CABCOCO1: variants seen among roughly 807,000 people sequenced by gnomAD.
CABCOCO1 encodes ciliary associated calcium binding coiled-coil 1, also known as ciliary-associated calcium-binding coiled-coil protein 1.
In CABCOCO1, 28 loss-of-function variants were observed where a neutral mutation model predicts 35.7. That is an observed-to-expected ratio of 0.78 (90% CI 0.58 to 1.07). The LOEUF (loss-of-function observed/expected upper bound fraction) is 1.07. Among genes scored for constraint, CABCOCO1 ranks in the 50% least tolerant of loss-of-function variants. CABCOCO1 has a pLI of 0.00. For synonymous variants in CABCOCO1, 95 were observed against 100.1 expected, an observed-to-expected ratio of 0.95 and a Z score of 0.30; for missense variants, 326 against 309.2, an observed-to-expected ratio of 1.05 and a Z score of -0.41.
chr10:61,760,932 G>A lies in CABCOCO1; in HGVS notation c.745G>A (p.Val249Ile), dbSNP rs1841996700. The stretch of plus-strand genomic sequence containing the variant: ...TGACACCTCAGACATGGATCCTTTA[G>A]TTGGTTTTACCATTGAAGATGTAAA... The part of the protein sequence containing the change: ...ETDTSDMDPL[V>I]GFTIEDVKSV... Residue 249 changes from valine to isoleucine, a missense_variant, in exon 7 of 8, where the codon GTT becomes ATT. Val to Ile is a conservative substitution (Grantham distance 29, BLOSUM62 3). Coordinates refer to ENST00000648843, the MANE Select transcript of CABCOCO1 (RefSeq NM_001366906.2). 1 of 1,612,852 alleles carries A rather than the reference G, an allele frequency of 6.2e-7. No homozygotes were observed. Among genetic ancestry groups the A allele is most frequent in the Non-Finnish European group, 8.5e-7 (1 of 1,179,196 alleles).
At chr10:61,708,937 C>T (rs147547497) in intron 5 of CABCOCO1, among the ~76,000 whole-genome samples, 3 of 152,112 alleles carry the variant, frequency 2.0e-5, no homozygotes, top group African/African-American at 4.8e-5. Flanking sequence ...TGATGGACTA[C>T]GCATAAACTT....
chr10:61,725,466 G>A (rs1315743850), intron 5 of CABCOCO1, among the ~76,000 whole-genome samples: 1 of 152,124 alleles, frequency 6.6e-6, no homozygotes, highest in Non-Finnish European at 1.5e-5. Context: ...TCAGGTACAT[G>A]GATGAAGCTA....
intron 5 of CABCOCO1, among the ~76,000 whole-genome samples, chr10:61,706,650 A>G (rs1459428444): frequency 6.6e-6 from 1 of 151,920 alleles, no homozygotes; most frequent in Non-Finnish European, 1.5e-5. Context: ...TTTCTACCCT[A>G]CATTGTGCCT....
At chr10:61,736,689 T>C (rs905965076) in intron 5 of CABCOCO1, among the ~76,000 whole-genome samples, 17 of 152,188 alleles carry the variant, frequency 1.1e-4, no homozygotes, top group Non-Finnish European at 2.9e-5. Flanking sequence ...ATGTCATTGG[T>C]AGTTTGATAG....
intron 5 of CABCOCO1, among the ~76,000 whole-genome samples, chr10:61,756,209 C>T (rs778360283): frequency 9.9e-5 from 15 of 151,874 alleles, no homozygotes; most frequent in Non-Finnish European, 2.1e-4. Flanking sequence ...CTTTAAATAC[C>T]GTAGCACAAG....
At chr10:61,761,059 T>G in intron 7 of CABCOCO1, 56 bp downstream of exon 7, 4 of 1,573,230 alleles carry the variant, frequency 2.5e-6, no homozygotes, top group Non-Finnish European at 3.5e-6. Context: ...TTAGCCAACC[T>G]TAACTTTAAT....
At chr10:61,761,050 T>C in intron 7 of CABCOCO1, 47 bp downstream of exon 7, 1 of 1,587,756 alleles carries the variant, frequency 6.3e-7, no homozygotes, top group Non-Finnish European at 8.6e-7. Flanking sequence ...ACTGGTTAAT[T>C]AGCCAACCTT....
intron 5 of CABCOCO1, among the ~76,000 whole-genome samples, chr10:61,747,944 T>C (rs746873201): frequency 1.9e-4 from 29 of 152,132 alleles, no homozygotes; most frequent in Non-Finnish European, 4.1e-4. Context: ...CCAGAATAAC[T>C]CTCTCATCAG....
chr10:61,680,254 G>A (rs1441796110), intron 2 of CABCOCO1, among the ~76,000 whole-genome samples: 2 of 149,082 alleles, frequency 1.3e-5, no homozygotes, highest in African/African-American at 4.9e-5. Context: ...AGCGGTTGCA[G>A]TGAGCCAAGA....
In CABCOCO1 at chr10:61,760,156, C is replaced by T. The variant is rs1460158336; in HGVS notation, c.650C>T (p.Pro217Leu). 3.1e-6 allele frequency: 5 copies of T among 1,611,728 alleles called. No individual in the cohort carries two copies. The highest frequency in any genetic ancestry group is 4.2e-6 in the Non-Finnish European group (5 of 1,178,264). ...FDIYSTFIEP[P>L]TILDTEMKRL... Reference sequence around the variant, plus strand: ...ATTTATTCAACATTCATAGAGCCCCCCACAATATTGGATACGGAAATGAAG... The same window carrying T: ...ATTTATTCAACATTCATAGAGCCCCTCACAATATTGGATACGGAAATGAAG... The change falls in exon 6 of 8, where the codon CCC (proline) becomes CTC (leucine). Residue 217 changes from proline (P) to leucine (L), a missense_variant. Physicochemically the swap from Pro to Leu is moderately conservative, Grantham distance 98. Coordinates refer to ENST00000648843, the MANE Select transcript of CABCOCO1 (RefSeq NM_001366906.2).
chr10:61,742,249 T>G (rs747905522), intron 5 of CABCOCO1, among the ~76,000 whole-genome samples: 57 of 152,146 alleles, frequency 3.7e-4, no homozygotes, highest in Non-Finnish European at 1.5e-4. Context: ...CCGGGGACAT[T>G]AAGCTTGTCA....
At chr10:61,696,694 G>A (rs148589762) in intron 5 of CABCOCO1, among the ~76,000 whole-genome samples, 3 of 151,944 alleles carry the variant, frequency 2.0e-5, no homozygotes, top group Non-Finnish European at 4.4e-5. Flanking sequence ...TGGTTGAGAT[G>A]GGGGTCTCAC....
At chr10:61,744,292 A>C (rs937440422) in intron 5 of CABCOCO1, among the ~76,000 whole-genome samples, 1 of 152,192 alleles carries the variant, frequency 6.6e-6, no homozygotes. Context: ...TTTCCAAAGT[A>C]TAACATTATT....
At chr10:61,710,936 A>G (rs1385504458) in intron 5 of CABCOCO1, among the ~76,000 whole-genome samples, 1 of 151,922 alleles carries the variant, frequency 6.6e-6, no homozygotes, top group Non-Finnish European at 1.5e-5. Flanking sequence ...ACCCAAATGT[A>G]TACTACAAAC....
At chr10:61,665,324 A>G (rs187659571) in intron 1 of CABCOCO1, among the ~76,000 whole-genome samples, 2 of 152,366 alleles carry the variant, frequency 1.3e-5, no homozygotes, top group South Asian at 2.1e-4. Context: ...GTGACATTGA[A>G]TAAGTCCTGC....
chr10:61,713,319 G>A (rs188249260), intron 5 of CABCOCO1, among the ~76,000 whole-genome samples: 2 of 152,152 alleles, frequency 1.3e-5, no homozygotes, highest in South Asian at 2.1e-4. Flanking sequence ...TCTGTTATTC[G>A]TGTATAAGAA....
At chr10:61,680,701 TGTTATACATGTATAACA>T (rs1839754151) in intron 2 of CABCOCO1, among the ~76,000 whole-genome samples, 1 of 121,876 alleles carries the variant, frequency 8.2e-6, no homozygotes, top group Non-Finnish European at 1.7e-5. Context: ...AACATATATA[TGTTATACATGTATAACA>T]TATATATTAT....
At chr10:61,679,692 G>A (rs1006445749) in intron 2 of CABCOCO1, among the ~76,000 whole-genome samples, 18 of 152,168 alleles carry the variant, frequency 1.2e-4, no homozygotes, top group African/African-American at 3.9e-4. Context: ...GGTAAACAAA[G>A]AATATGCATT....
chr10:61,704,697 GTAATT>G (rs918449363), intron 5 of CABCOCO1, among the ~76,000 whole-genome samples: 1 of 152,090 alleles, frequency 6.6e-6, no homozygotes, highest in African/African-American at 2.4e-5. Context: ...CAGGCTTGGG[GTAATT>G]TGTTACATAG....
Sources: gnomAD v4.1 joint callset for allele counts (sites outside exome capture counted in the v4.1 genomes callset) on GRCh38, gnomAD v4.1.1 for gene constraint, MANE v1.5 for transcripts, NCBI Gene and HGNC (gene_info 2026-07-23, HGNC 2026-07-21) for gene names.